The following CDIN1 variants were observed in gnomAD, a reference collection of about 807,000 sequenced individuals.
The protein encoded by CDIN1 is CDAN1-interacting nuclease 1.
A neutral mutation model predicts 45.3 loss-of-function variants in CDIN1; 33 were observed. The ratio of observed to expected loss-of-function variants is 0.73; its 90% CI spans 0.55 to 0.97. The LOEUF (loss-of-function observed/expected upper bound fraction) is 0.97, where lower values mean the gene tolerates loss of function less well. CDIN1 is among the 50% of genes least tolerant of loss of function. The probability of loss-of-function intolerance (pLI) is 0.00; values close to 1 mark genes in which losing one functional copy is unlikely to be tolerated. For missense variants in CDIN1, 303 were observed against 339.4 expected (o/e 0.89, Z 0.84); for synonymous variants, 118 against 124.4 (o/e 0.95, Z 0.34).
At chr15:36,757,833 C>T (rs960125602) in intron 10 of CDIN1, among the ~76,000 whole-genome samples, 7 of 151,714 alleles carry the variant, frequency 4.6e-5, no homozygotes, top group Non-Finnish European at 7.4e-5. Flanking sequence ...CACTTCATCT[C>T]ATCATGTGGA....
chr15:36,809,064 C>T lies in CDIN1; in HGVS notation c.*611C>T, dbSNP rs2055323038. On this transcript the variant is annotated 3_prime_UTR_variant, in exon 11 of 11. Transcript: ENST00000566621. ...TGTTTGCTATATTCAATCTTTACGG[C>T]TTCCTGACTTCTGTGACAGTAAGCC... 1 of 388,270 alleles carries T rather than the reference C, an allele frequency of 2.6e-6. No homozygotes were observed. Among genetic ancestry groups the T allele is most frequent in the South Asian group, 1.9e-5 (1 of 53,354 alleles). The allele number at this position is 388,270 out of a possible 1,614,324, so 24.1% of individuals were successfully genotyped here.
chr15:36,722,024 T>C (rs144443293), intron 10 of CDIN1, among the ~76,000 whole-genome samples: 1 of 152,282 alleles, frequency 6.6e-6, no homozygotes, highest in East Asian at 1.9e-4. Context: ...TCTTCATTGC[T>C]TGATGTCTAG....
chr15:36,697,302 C>G (rs529341356), intron 7 of CDIN1, 21 bp from the exon 8 acceptor site: 6 of 1,609,876 alleles, frequency 3.7e-6, no homozygotes, highest in South Asian at 1.1e-5. Flanking sequence ...CTGTGTTACC[C>G]CCTTAACTGA....
intron 5 of CDIN1, among the ~76,000 whole-genome samples, chr15:36,661,139 A>C (rs571446035): frequency 3.9e-5 from 6 of 152,308 alleles, no homozygotes; most frequent in East Asian, 1.9e-4. Flanking sequence ...CTCACACTCA[A>C]GGCTTCCAGC....
chr15:36,692,509 A>T (rs1161685891), intron 7 of CDIN1, among the ~76,000 whole-genome samples: 2 of 152,238 alleles, frequency 1.3e-5, no homozygotes, highest in Admixed American at 6.5e-5. Context: ...AACATTTTTT[A>T]AAAATATAAC....
At chr15:36,594,542 G>C (rs2037726486) in intron 1 of CDIN1, among the ~76,000 whole-genome samples, 1 of 152,034 alleles carries the variant, frequency 6.6e-6, no homozygotes. Context: ...GTATTACAAT[G>C]GCACAATAAA....
At chr15:36,587,644 C>T (rs1205292398) in intron 1 of CDIN1, among the ~76,000 whole-genome samples, 6 of 152,112 alleles carry the variant, frequency 3.9e-5, no homozygotes, top group Non-Finnish European at 8.8e-5. Context: ...CTCCCACCCC[C>T]AATAAATGAT....
chr15:36,697,493 G>T, intron 8 of CDIN1, 103 bp downstream of exon 8: 1 of 920,746 alleles, frequency 1.1e-6, no homozygotes, highest in South Asian at 1.7e-5. Flanking sequence ...GATGATTGAT[G>T]CTGTGCATAT....
chr15:36,668,439 T>G (rs2041329996), intron 5 of CDIN1, among the ~76,000 whole-genome samples: 1 of 152,144 alleles, frequency 6.6e-6, no homozygotes, highest in African/African-American at 2.4e-5. Context: ...TCAGGTTAAG[T>G]GACCAGCTTA....
chr15:36,800,907 G>GTATATATATA (rs1282877205), intron 10 of CDIN1, among the ~76,000 whole-genome samples: 1,244 of 31,188 alleles, frequency 0.04, 35 homozygotes, highest in Non-Finnish European at 0.048. Context: ...GTGTGTGTGT[G>GTATATATATA]TGTATATATA....
chr15:36,798,058 A>G (rs2054878249), intron 10 of CDIN1, among the ~76,000 whole-genome samples: 1 of 150,858 alleles, frequency 6.6e-6, no homozygotes. Context: ...TTATTTTCCA[A>G]ATGAGTAGTA....
intron 1 of CDIN1, among the ~76,000 whole-genome samples, chr15:36,640,385 G>A (rs2140388201): frequency 6.6e-6 from 1 of 152,284 alleles, no homozygotes; most frequent in African/African-American, 2.4e-5. Context: ...GTTGTGCCTA[G>A]CAATTGTGAG....
At chr15:36,754,238 T>C (rs2053548798) in intron 10 of CDIN1, among the ~76,000 whole-genome samples, 1 of 152,126 alleles carries the variant, frequency 6.6e-6, no homozygotes, top group South Asian at 2.1e-4. Context: ...ATTTTTAGAA[T>C]AGACAGGGCT....
In CDIN1 at chr15:36,645,249, A is replaced by ACAT. The variant is rs781569831; in HGVS notation, c.178_180dup (p.His60dup). The ACAT allele has an allele frequency of 6.4e-7, 1 of 1,553,314 alleles. No individual in the cohort carries two copies. The highest frequency in any genetic ancestry group is 1.9e-5 in the Admixed American group (1 of 51,348). On this transcript the variant is annotated inframe_insertion, in exon 3 of 11. Transcript: ENST00000566621. Reference sequence around the variant, plus strand: ...AACACATTAAAAGAACACATGCCAAACATCATACTTCGGAAGCAATTGAAA... The same window carrying ACAT: ...AACACATTAAAAGAACACATGCCAAACATCATCATACTTCGGAAGCAATTGAAA...
intron 10 of CDIN1, among the ~76,000 whole-genome samples, chr15:36,739,080 G>T (rs1205629886): frequency 6.6e-6 from 1 of 152,164 alleles, no homozygotes; most frequent in East Asian, 1.9e-4. Flanking sequence ...ACAATCATCA[G>T]TCTTTGAGTT....
intron 1 of CDIN1, among the ~76,000 whole-genome samples, chr15:36,584,995 T>C (rs12708542): frequency 0.36 from 55,551 of 152,204 alleles, 10,306 homozygotes; most frequent in Middle Eastern, 0.46. Flanking sequence ...GCTGAGGACA[T>C]ATTTATTGAT....
At chr15:36,768,651 C>A (rs1422954741) in intron 10 of CDIN1, among the ~76,000 whole-genome samples, 1 of 152,102 alleles carries the variant, frequency 6.6e-6, no homozygotes, top group Non-Finnish European at 1.5e-5. Context: ...TAAACTGCTG[C>A]GAGAATATTT....
At chr15:36,762,173 T>TCTG (rs1555405538) in intron 10 of CDIN1, among the ~76,000 whole-genome samples, 1 of 151,688 alleles carries the variant, frequency 6.6e-6, no homozygotes, top group African/African-American at 2.4e-5. Context: ...AGGCTGCCCT[T>TCTG]GTGAGCACTC....
At chr15:36,653,751 A>G (rs1170108584) in intron 3 of CDIN1, among the ~76,000 whole-genome samples, 1 of 152,192 alleles carries the variant, frequency 6.6e-6, no homozygotes, top group Non-Finnish European at 1.5e-5. Context: ...ATATAAGTCA[A>G]CTTCTTTCCT....
Sources: gnomAD v4.1 joint callset for allele counts (sites outside exome capture counted in the v4.1 genomes callset) on GRCh38, gnomAD v4.1.1 for gene constraint, MANE v1.5 for transcripts, NCBI Gene and HGNC (gene_info 2026-07-23, HGNC 2026-07-21) for gene names.